ABI3BP: variants seen among roughly 807,000 people sequenced by gnomAD.
ABI3BP encodes ABI family member 3 binding protein.
A neutral mutation model predicts 268.6 loss-of-function variants in ABI3BP; 216 were observed. The ratio of observed to expected loss-of-function variants is 0.80; its 90% confidence interval spans 0.72 to 0.90. ABI3BP has a LOEUF of 0.90. ABI3BP is among the 40% of genes least tolerant of loss of function. The pLI is 0.00. For synonymous variants in ABI3BP, 730 were observed against 730.0 expected, an observed-to-expected ratio of 1.00 and a Z score of 0.00; for missense variants, 2,090 against 2,182.4, an observed-to-expected ratio of 0.96 and a Z score of 0.84.
At chr3:100,859,362 C>A (rs991365788) in intron 14 of ABI3BP, among the ~76,000 whole-genome samples, 3 of 151,996 alleles carry the variant, frequency 2.0e-5, no homozygotes, top group African/African-American at 7.2e-5. Flanking sequence ...GCAAAAACTG[C>A]AATTACGTTT....
At chr3:100,825,092 A>G (rs997873757) in intron 35 of ABI3BP, among the ~76,000 whole-genome samples, 151 bp from the exon 36 acceptor site, 5 of 152,116 alleles carry the variant, frequency 3.3e-5, no homozygotes, top group African/African-American at 1.2e-4. Context: ...ACGATGCGTC[A>G]TTTTATCATT....
chr3:100,816,019 A>T (rs73135530), intron 43 of ABI3BP, 48 bp from the exon 44 acceptor site: 243,886 of 1,319,172 alleles, frequency 0.18, 24,579 homozygotes, highest in South Asian at 0.26. Context: ...AAGACTTTTT[A>T]AAAAAAATCC....
chr3:100,801,643 G>A (rs1255481657), intron 51 of ABI3BP, among the ~76,000 whole-genome samples: 1 of 151,988 alleles, frequency 6.6e-6, no homozygotes, highest in East Asian at 1.9e-4. Context: ...TCATATTTGA[G>A]AAGACATCCA....
intron 63 of ABI3BP, among the ~76,000 whole-genome samples, chr3:100,755,528 G>A (rs1021998768): frequency 1.3e-5 from 2 of 151,976 alleles, no homozygotes; most frequent in Admixed American, 6.6e-5. Context: ...AATTCATATC[G>A]GCCAGTCCCT....
chr3:100,815,148 A>T lies in ABI3BP; in HGVS notation c.3289+764T>A, dbSNP rs190852297. ...TCCTTTATGTCTTTGAAACTAAAAG[A>T]TGATGATCTTAGGTTGCTATAGTGT... is the stretch of plus-strand genomic sequence containing the variant. On this transcript the variant is annotated intron_variant, in intron 44 of 67. Coordinates refer to ENST00000471714, the MANE Select transcript of ABI3BP (RefSeq NM_001375547.2). Among the ~76,000 whole-genome samples the T allele has an allele frequency of 7.2e-5, 11 of 152,274 alleles. 2 individuals carry two copies. The highest frequency in any genetic ancestry group is 2.6e-4 in the African/African-American group (11 of 41,578).
intron 2 of ABI3BP, among the ~76,000 whole-genome samples, chr3:100,919,559 C>G (rs2059633319): frequency 6.6e-6 from 1 of 152,144 alleles, no homozygotes; most frequent in Admixed American, 6.5e-5. Flanking sequence ...CATATCTGAT[C>G]AATCGTAAAT....
At chr3:100,929,445 T>G (rs1351504491) in intron 1 of ABI3BP, among the ~76,000 whole-genome samples, 1 of 152,064 alleles carries the variant, frequency 6.6e-6, no homozygotes. Flanking sequence ...ATCATATAAC[T>G]ATTCAAATGA....
intron 1 of ABI3BP, among the ~76,000 whole-genome samples, chr3:100,983,334 T>G (rs547236311): frequency 2.0e-5 from 3 of 152,160 alleles, no homozygotes; most frequent in Non-Finnish European, 4.4e-5. Context: ...AATACAAAAA[T>G]CAGCTGGAAT....
intron 1 of ABI3BP, among the ~76,000 whole-genome samples, chr3:100,962,445 G>T (rs1342241864): frequency 6.6e-6 from 1 of 151,586 alleles, no homozygotes; most frequent in East Asian, 1.9e-4. Flanking sequence ...CTCAAATCTC[G>T]CTTATCTTAA....
intron 42 of ABI3BP, among the ~76,000 whole-genome samples, chr3:100,817,078 A>G (rs1456824608): frequency 6.6e-6 from 1 of 152,178 alleles, no homozygotes; most frequent in Non-Finnish European, 1.5e-5. Flanking sequence ...ATGATACCAT[A>G]AGAACTGTTA....
rs2098549937 is a variant in ABI3BP at position 100,834,790 on chromosome 3, G to T, written c.2192-17C>A. The T allele has an allele frequency of 6.5e-7, 1 of 1,534,080 alleles. No individual in the cohort carries two copies. The highest frequency in any genetic ancestry group is 8.7e-7 in the Non-Finnish European group (1 of 1,145,224). ...TTTTTGGAGCTAAAGAAAGGAAACT[G>T]GTTATTGTAGTCATATGACTCCAGA... On this transcript the variant is annotated splice_polypyrimidine_tract_variant and intron_variant, in intron 28 of 67. Coordinates refer to ENST00000471714, the MANE Select transcript of ABI3BP (RefSeq NM_001375547.2).
chr3:100,859,969 G>T (rs1465153605), intron 14 of ABI3BP, among the ~76,000 whole-genome samples: 2 of 152,212 alleles, frequency 1.3e-5, no homozygotes, highest in African/African-American at 2.4e-5. Context: ...CTACTCAGGA[G>T]GCTGAGGCAG....
chr3:100,856,378 G>A (rs2098940212), intron 14 of ABI3BP, among the ~76,000 whole-genome samples: 2 of 152,138 alleles, frequency 1.3e-5, no homozygotes, highest in African/African-American at 4.8e-5. Flanking sequence ...AATAATTAGT[G>A]ATGACCTCCT....
chr3:100,823,333 T>C, intron 37 of ABI3BP, 125 bp downstream of exon 37: 4 of 776,854 alleles, frequency 5.1e-6, no homozygotes, highest in Non-Finnish European at 7.8e-6. Context: ...CAGTTAAGAG[T>C]CTTATAATTT....
At chr3:100,769,487 C>G (rs1250304983) in intron 62 of ABI3BP, among the ~76,000 whole-genome samples, 1 of 152,118 alleles carries the variant, frequency 6.6e-6, no homozygotes, top group Non-Finnish European at 1.5e-5. Context: ...ATGAATATAT[C>G]CAAGTTGATG....
chr3:100,902,612 C>T lies in ABI3BP; in HGVS notation c.328+6G>A. On this transcript the variant is annotated splice_donor_region_variant and intron_variant, in intron 3 of 67. Transcript: ENST00000471714. ...AAGAAAAAGAATTCAATGCAAAGGA[C>T]TATACCTGAACATGACTTCTTTTGA... 1 of 1,613,476 alleles carries T rather than the reference C, an allele frequency of 6.2e-7. No homozygotes were observed. Among genetic ancestry groups the T allele is most frequent in the African/African-American group, 1.3e-5 (1 of 75,038 alleles).
chr3:100,754,669 T>C lies in ABI3BP; in HGVS notation c.4873A>G (p.Lys1625Glu), dbSNP rs1440863001. ...NTSYEFQVKP[K>E]NPLGEGPVSN... ...ACCGGGCCTTCACCAAGCGGGTTTT[T>C]GGGTTTCACCTGGAATTCATAACTG... Residue 1625 changes from lysine to glutamate, a missense_variant, in exon 64 of 68, where the codon AAA (lysine) becomes GAA (glutamate). Coordinates refer to ENST00000471714, the MANE Select transcript of ABI3BP (RefSeq NM_001375547.2). 1.3e-6 allele frequency: 2 copies of C among 1,589,218 alleles called. No homozygotes were observed. The highest frequency in any genetic ancestry group is 2.3e-5 in the East Asian group (1 of 44,160).
chr3:100,929,525 T>G (rs531064039), intron 1 of ABI3BP, among the ~76,000 whole-genome samples: 4 of 152,174 alleles, frequency 2.6e-5, no homozygotes, highest in African/African-American at 9.6e-5. Context: ...AAATTTAAAA[T>G]GTTCTGAAAG....
chr3:100,869,330 GTTTTTTTTTTTTTTTTTTTTTTTT>G (rs144604645), intron 9 of ABI3BP, among the ~76,000 whole-genome samples: 1 of 49,754 alleles, frequency 2.0e-5, no homozygotes, highest in African/African-American at 8.2e-5. Context: ...CTTCTTTTTG[GTTTTTTTTTTTTTTTTTTTTTTTT>G]TTGAGTCAGG....
Sources: gnomAD v4.1 joint callset for allele counts (sites outside exome capture counted in the v4.1 genomes callset) on GRCh38, gnomAD v4.1.1 for gene constraint, MANE v1.5 for transcripts, NCBI Gene and HGNC (gene_info 2026-07-23, HGNC 2026-07-21) for gene names.